The following GPRC5B variants were observed in gnomAD, a reference collection of about 807,000 sequenced individuals.
The protein encoded by GPRC5B is G protein-coupled receptor family C group 5 member B.
Under a neutral mutation model 30.1 loss-of-function variants are expected in GPRC5B, and 16 were observed. The observed-to-expected ratio is 0.53, with a 90% CI of 0.36 to 0.81. The LOEUF (loss-of-function observed/expected upper bound fraction) is 0.81. Among genes scored for constraint, GPRC5B ranks in the 30% least tolerant of loss-of-function variants. The pLI is 0.01. For synonymous variants in GPRC5B, 241 were observed against 239.5 expected, an observed-to-expected ratio of 1.01 and a Z score of -0.06; for missense variants, 428 against 544.7, an observed-to-expected ratio of 0.79 and a Z score of 2.13.
rs1036502420 is a variant in GPRC5B, at chr16:19,860,422, G to T, written c.*78C>A. On this transcript the variant is annotated 3_prime_UTR_variant, in exon 4 of 4. Coordinates refer to ENST00000300571, the MANE Select transcript of GPRC5B (RefSeq NM_016235.3). ...GCGGCCTGGTTCGGCAACTGTTACC[G>T]ATTTCTCCCTCAAGAAAGACACAGC... is the stretch of plus-strand genomic sequence containing the variant. The T allele has an allele frequency of 2.2e-6, 2 of 916,998 alleles. No individual in the cohort carries two copies. Among genetic ancestry groups the T allele is most frequent in the South Asian group, 1.4e-5 (1 of 71,958 alleles). 56.8% of individuals were successfully genotyped at this position (916,998 alleles called of 1,614,324 possible).
In GPRC5B at chr16:19,872,257, G is replaced by T. The variant is rs2056726752; in HGVS notation, c.589C>A (p.Pro197Thr). Residue 197 changes from proline to threonine, a missense_variant, in exon 2 of 4, where the codon CCC becomes ACC. By Grantham distance (38) the Pro-to-Thr change is conservative. Coordinates refer to ENST00000300571, the MANE Select transcript of GPRC5B (RefSeq NM_016235.3). The surrounding 1 kb of genome is among the most constrained non-coding windows in gnomAD (Gnocchi z 5.0). Reference sequence around the variant, plus strand: ...ATGAGGGCCATCACAAAGTCCATGGGCTCGTAGGCGCAGGCTGGCCTTGTG... The same window carrying T: ...ATGAGGGCCATCACAAAGTCCATGGTCTCGTAGGCGCAGGCTGGCCTTGTG... ...RDTRPACAYE[P>T]MDFVMALIYD... 1 of 1,614,136 alleles carries T rather than the reference G, an allele frequency of 6.2e-7. No individual in the cohort carries two copies. The highest frequency in any genetic ancestry group is 8.5e-7 in the Non-Finnish European group (1 of 1,180,012).
chr16:19,876,077 G>A (rs2056757257), intron 1 of GPRC5B, among the ~76,000 whole-genome samples: 1 of 152,226 alleles, frequency 6.6e-6, no homozygotes, highest in African/African-American at 2.4e-5. Context: ...AATGCTGCAA[G>A]CAGCCTCTCT....
rs536709142 is a variant in GPRC5B, at chr16:19,858,216, C to T, written c.*2284G>A. On this transcript the variant is annotated 3_prime_UTR_variant, in exon 4 of 4. Coordinates refer to ENST00000300571, the MANE Select transcript of GPRC5B (RefSeq NM_016235.3). ...AAAAAGAACAGCTCTCTCCCTTCTC[C>T]TCTCACTCCCGCCTCCGCCCCCATT... 1 of 341,174 alleles carries T rather than the reference C, an allele frequency of 2.9e-6. No individual in the cohort carries two copies. The highest frequency in any genetic ancestry group is 1.4e-4 in the South Asian group (1 of 7,346). The allele number at this position is 341,174 out of a possible 1,614,324, so 21.1% of individuals were successfully genotyped here. A position where few individuals can be genotyped will look rare whatever the true frequency, so the allele number is the denominator to read the frequency against.
intron 1 of GPRC5B, among the ~76,000 whole-genome samples, chr16:19,878,467 T>A (rs2056777856): frequency 1.3e-5 from 2 of 151,926 alleles, no homozygotes; most frequent in Non-Finnish European, 2.9e-5. Flanking sequence ...CTAATTTTTG[T>A]ATTTTAGCAG....
At chr16:19,885,153 C>A (rs2056841001), upstream of GPRC5B, 1 of 1,234,098 alleles carries the variant, frequency 8.1e-7, no homozygotes, top group Non-Finnish European at 1.1e-6. The surrounding 1 kb of genome is among the most constrained non-coding windows in gnomAD (Gnocchi z 5.3). Context: ...CCGGGCAACT[C>A]CCCAGGGTAG....
rs1012980441 is a variant in GPRC5B at position 19,857,588 on chromosome 16, C to T, written c.*2912G>A. On this transcript the variant is annotated 3_prime_UTR_variant, in exon 4 of 4. Coordinates refer to ENST00000300571, the MANE Select transcript of GPRC5B (RefSeq NM_016235.3). ...TAATAAAAAGCACCTGCTGAGAACT[C>T]CTGTAAGCTGGTATCATCATTGCAT... 8 of 352,580 alleles carry T rather than the reference C, an allele frequency of 2.3e-5. No individual in the cohort carries two copies. The highest frequency in any genetic ancestry group is 4.4e-5 in the African/African-American group (2 of 45,058). The allele number at this position is 352,580 out of a possible 1,614,324, so 21.8% of individuals were successfully genotyped here.
rs2056730502 is a variant in GPRC5B at position 19,872,566 on chromosome 16, C to T, written c.280G>A (p.Gly94Ser). ...IKEKEKKSPV[G>S]LHFLFLLGTL... ...CCCAGGAGGAACAGAAAGTGGAGGC[C>T]CACAGGGCTCTTCTTCTCCTTCTCC... Residue 94 changes from glycine (G) to serine (S), a missense_variant, in exon 2 of 4, where the codon GGC becomes AGC. Physicochemically the swap from Gly to Ser is moderately conservative, Grantham distance 56. Around this residue, in one of 3 missense-constraint regions of GPRC5B, gnomAD observed 196 missense variants for 272.6 expected, o/e 0.72. Coordinates refer to ENST00000300571, the MANE Select transcript of GPRC5B (RefSeq NM_016235.3). This position sits in a 1 kb window ranked among gnomAD's most constrained non-coding sequence, Gnocchi z 5.0. 2 of 1,614,018 alleles carry T rather than the reference C, an allele frequency of 1.2e-6. No individual in the cohort carries two copies. Among genetic ancestry groups the T allele is most frequent in the Non-Finnish European group, 1.7e-6 (2 of 1,180,004 alleles).
chr16:19,878,908 T>TCTCAGGG (rs2056781385), intron 1 of GPRC5B, among the ~76,000 whole-genome samples: 1 of 152,118 alleles, frequency 6.6e-6, no homozygotes, highest in Non-Finnish European at 1.5e-5. Flanking sequence ...AAATGCAGAT[T>TCTCAGGG]CTCAGGGCGT....
intron 2 of GPRC5B, among the ~76,000 whole-genome samples, chr16:19,870,982 A>T (rs538323141): frequency 1.6e-3 from 250 of 152,222 alleles, no homozygotes; most frequent in African/African-American, 5.8e-3. Context: ...TAGGGAAAAA[A>T]AAAAAGCTTA....
chr16:19,872,379 C>A lies in GPRC5B; in HGVS notation c.467G>T (p.Gly156Val). Residue 156 changes from glycine (G) to valine (V), a missense_variant, in exon 2 of 4, where the codon GGC becomes GTC. Around this residue, in one of 3 missense-constraint regions of GPRC5B, gnomAD observed 196 missense variants for 272.6 expected, o/e 0.72. Coordinates refer to ENST00000300571, the MANE Select transcript of GPRC5B (RefSeq NM_016235.3). The surrounding 1 kb of genome is among the most constrained non-coding windows in gnomAD (Gnocchi z 5.0). ...GCCCACCAGCTGCCAGCCCGCGGGGCCCGTGCCATGCCGCACCAGCCTCCG... is the reference window on the plus strand; with the variant it reads ...GCCCACCAGCTGCCAGCCCGCGGGGACCGTGCCATGCCGCACCAGCCTCCG... ...RVRRLVRHGTGPAGWQLVGLA... is the reference protein window; with the variant it reads ...RVRRLVRHGTVPAGWQLVGLA... 1 of 1,613,452 alleles carries A rather than the reference C, an allele frequency of 6.2e-7. No individual in the cohort carries two copies. Among genetic ancestry groups the A allele is most frequent in the Non-Finnish European group, 8.5e-7 (1 of 1,179,712 alleles).
At position 19,857,360 on chromosome 16, in the gene GPRC5B, C is replaced by T; in HGVS notation, c.*3140G>A. On this transcript the variant is annotated 3_prime_UTR_variant, in exon 4 of 4. Coordinates refer to ENST00000300571, the MANE Select transcript of GPRC5B (RefSeq NM_016235.3). ...CATTTTGAAAATAAAACCTATCTGC[C>T]CATGGTTTACAGCCTTTTAAATTTG... The T allele has an allele frequency of 2.5e-6, 1 of 405,228 alleles. No homozygotes were observed. 25.1% of individuals were successfully genotyped at this position (405,228 alleles called of 1,614,324 possible).
In GPRC5B at chr16:19,858,555, G is replaced by A; in HGVS notation, c.*1945C>T. The A allele has an allele frequency of 1.4e-6, 1 of 692,466 alleles. No individual in the cohort carries two copies. Among genetic ancestry groups the A allele is most frequent in the Non-Finnish European group, 2.6e-6 (1 of 380,570 alleles). The allele number at this position is 692,466 out of a possible 1,614,324, so 42.9% of individuals were successfully genotyped here. On this transcript the variant is annotated 3_prime_UTR_variant, in exon 4 of 4. Transcript: ENST00000300571. ...GGTGAGTAACCATTTCCTGGCACGA[G>A]AATGTGTAATGCTGTCGTTTTTTCA...
At chr16:19,881,927 C>A (rs1175153359) in intron 1 of GPRC5B, among the ~76,000 whole-genome samples, 1 of 152,236 alleles carries the variant, frequency 6.6e-6, no homozygotes, top group East Asian at 1.9e-4. Context: ...CAAGGCGTTT[C>A]TGCTGCATCC....
Position 19,872,148 on chromosome 16 carries a change from C to G in GPRC5B, c.698G>C (p.Gly233Ala). ...GAAGGCTGTGATGAGGAGGAAGGCC[C>G]CGTTCAGCTTCCACCTCTTGAACTT... Reference protein sequence around the residue: ...CGKFKRWKLNGAFLLITAFLS... With the variant: ...CGKFKRWKLNAAFLLITAFLS... The change falls in exon 2 of 4, where the codon GGG becomes GCG. Residue 233 changes from glycine to alanine, a missense_variant. Physicochemically the swap from Gly to Ala is moderately conservative, Grantham distance 60 (BLOSUM62 0). This residue lies in a region of GPRC5B where 213 missense variants were observed against 229.1 expected (regional missense o/e 0.93). Transcript: ENST00000300571. This position sits in a 1 kb window ranked among gnomAD's most constrained non-coding sequence, Gnocchi z 5.0. 1 of 1,614,020 alleles carries G rather than the reference C, an allele frequency of 6.2e-7. No homozygotes were observed. The highest frequency in any genetic ancestry group is 1.1e-5 in the South Asian group (1 of 91,062).
intron 1 of GPRC5B, among the ~76,000 whole-genome samples, chr16:19,878,463 T>G (rs2056777798): frequency 6.6e-6 from 1 of 151,784 alleles, no homozygotes; most frequent in Admixed American, 6.6e-5. Flanking sequence ...CTGGCTAATT[T>G]TTGTATTTTA....
intron 1 of GPRC5B, among the ~76,000 whole-genome samples, 183 bp downstream of exon 1, chr16:19,884,544 C>A: frequency 7.4e-6 from 1 of 134,602 alleles, no homozygotes; most frequent in East Asian, 2.6e-4. Context: ...CTGCTCTCGT[C>A]GCACCGTGGT....
At chr16:19,863,117 TTTTC>T (rs1192541154) in intron 2 of GPRC5B, among the ~76,000 whole-genome samples, 11 of 152,136 alleles carry the variant, frequency 7.2e-5, no homozygotes, top group East Asian at 3.9e-4. Flanking sequence ...ACTCATTTAA[TTTTC>T]TTTCTTTCTT....
intron 1 of GPRC5B, among the ~76,000 whole-genome samples, chr16:19,875,048 TTCC>T (rs1168687349): frequency 6.6e-6 from 1 of 152,106 alleles, no homozygotes; most frequent in Admixed American, 6.5e-5. Context: ...TCCCTGGGGC[TTCC>T]CTAAGTAAAT....
chr16:19,876,751 C>G (rs1336449236), intron 1 of GPRC5B, among the ~76,000 whole-genome samples: 1 of 152,238 alleles, frequency 6.6e-6, no homozygotes, highest in Non-Finnish European at 1.5e-5. Context: ...TAGATACACT[C>G]TTGCTTTCTG....
Sources: gnomAD v4.1 joint callset for allele counts (sites outside exome capture counted in the v4.1 genomes callset) on GRCh38, gnomAD v4.1.1 for gene constraint, gnomAD v4.1.1 regional missense constraint, Gnocchi (gnomAD v3.1) non-coding constraint, MANE v1.5 for transcripts, NCBI Gene and HGNC (gene_info 2026-07-23, HGNC 2026-07-21) for gene names.